Variants in HCN1 observed in about 807,000 individuals in gnomAD.
HCN1 encodes the protein potassium/sodium hyperpolarization-activated cyclic nucleotide-gated channel 1.
HCN1 carries 13 observed loss-of-function variants against 78.9 expected under a neutral mutation model. The observed-to-expected ratio is 0.16, with a 90% confidence interval of 0.11 to 0.26. The LOEUF is 0.26. HCN1 is among the 10% of genes least tolerant of loss of function. The pLI is 1.00. For missense variants in HCN1, 810 were observed against 1,154.3 expected (o/e 0.70, Z 4.32); for synonymous variants, 552 against 455.5 (o/e 1.21, Z -2.70).
chr5:45,396,431 A>G (rs1204728345), intron 4 of HCN1, 61 bp downstream of exon 4: 1 of 1,331,620 alleles, frequency 7.5e-7, no homozygotes, highest in Non-Finnish European at 1.1e-6. Flanking sequence ...CTTGAACACA[A>G]TTCAATTTAC....
At chr5:45,582,672 C>A (rs892175569) in intron 2 of HCN1, among the ~76,000 whole-genome samples, 1 of 152,082 alleles carries the variant, frequency 6.6e-6, no homozygotes, top group African/African-American at 2.4e-5. Flanking sequence ...ATAGATAGCT[C>A]TTATTATTTT....
intron 5 of HCN1, among the ~76,000 whole-genome samples, chr5:45,334,958 T>C (rs1429811212): frequency 2.6e-5 from 4 of 152,164 alleles, no homozygotes; most frequent in East Asian, 3.9e-4. Flanking sequence ...TAAATAAATA[T>C]ACATACAAAT....
At chr5:45,612,243 C>T (rs2111980331) in intron 2 of HCN1, among the ~76,000 whole-genome samples, 1 of 152,222 alleles carries the variant, frequency 6.6e-6, no homozygotes, top group South Asian at 2.1e-4. Context: ...CCTAATTCCT[C>T]CAGAAAATCA....
At chr5:45,643,932 G>A (rs1745500772) in intron 2 of HCN1, 1 of 152,096 alleles carries the variant, frequency 6.6e-6, no homozygotes, top group Non-Finnish European at 1.5e-5. Flanking sequence ...ATTACAAGAT[G>A]AATCTGATTT....
Position 45,695,881 on chromosome 5 carries a change from G to A in HCN1, c.213C>T (p.Gly71=). 1.3e-6 allele frequency: 2 copies of A among 1,535,870 alleles called. No homozygotes were observed. Among genetic ancestry groups the A allele is most frequent in the Admixed American group, 2.0e-5 (1 of 49,102 alleles). ...VDGGGGGGGG[G]GGGEEPAGGF... is the part of the protein sequence containing the mutation. The stretch of plus-strand genomic sequence containing the variant: ...CCCCCGCCGGCTCCTCGCCGCCGCC[G>A]CCGCCGCCGCCACCGCCGCCACCGC... The change falls in exon 1 of 8, where the codon GGC becomes GGT. Residue 71 remains glycine, a synonymous_variant. Coordinates refer to ENST00000303230, the MANE Select transcript of HCN1 (RefSeq NM_021072.4).
At chr5:45,444,805 T>TATG (rs1740752473) in intron 3 of HCN1, among the ~76,000 whole-genome samples, 1 of 152,004 alleles carries the variant, frequency 6.6e-6, no homozygotes, top group Non-Finnish European at 1.5e-5. Context: ...TTTCTTTTAT[T>TATG]ATTATTATTA....
intron 2 of HCN1, among the ~76,000 whole-genome samples, chr5:45,637,637 C>A (rs562848043): frequency 8.0e-5 from 12 of 150,714 alleles, no homozygotes; most frequent in African/African-American, 2.9e-4. Context: ...CTGAAAGAAG[C>A]AATGCGTAAA....
At chr5:45,669,370 AT>A (rs2112073231) in intron 1 of HCN1, among the ~76,000 whole-genome samples, 1 of 151,920 alleles carries the variant, frequency 6.6e-6, no homozygotes, top group African/African-American at 2.4e-5. Flanking sequence ...TAATGTGAAC[AT>A]TTTGAGAGTA....
Position 45,613,396 on chromosome 5 carries a change from A to T in HCN1, c.849+31789T>A, listed in dbSNP as rs577226545. Among the ~76,000 whole-genome samples the T allele has an allele frequency of 1.9e-4, 29 of 152,156 alleles. 1 individual carries two copies. In the South Asian group the frequency reaches 5.2e-3, roughly 27 times the overall value. On this transcript the variant is annotated intron_variant, in intron 2 of 7. Transcript: ENST00000303230. ...ATATGTGCCACATCAGAGAAATGCAAATCAAAACCACAATGAGATACCATC... is the reference window on the plus strand; with the variant it reads ...ATATGTGCCACATCAGAGAAATGCATATCAAAACCACAATGAGATACCATC...
At chr5:45,454,201 C>T (rs1740979177) in intron 3 of HCN1, among the ~76,000 whole-genome samples, 1 of 152,040 alleles carries the variant, frequency 6.6e-6, no homozygotes, top group African/African-American at 2.4e-5. Flanking sequence ...GAGTTGATTT[C>T]CTTATTTTTT....
intron 5 of HCN1, among the ~76,000 whole-genome samples, chr5:45,318,986 T>C (rs1214032619): frequency 6.6e-6 from 1 of 151,974 alleles, no homozygotes; most frequent in Non-Finnish European, 1.5e-5. Flanking sequence ...TACTCACCAT[T>C]CTGTTAATGT....
In HCN1 at chr5:45,372,410, T is replaced by C. The variant is rs1174706116; in HGVS notation, c.1231-19164A>G. Among the ~76,000 whole-genome samples, 5 of 119,576 alleles carry C rather than the reference T, an allele frequency of 4.2e-5. No homozygotes were observed. In the East Asian group the frequency reaches 9.2e-4, roughly 22 times the overall value. 78.4% of individuals were successfully genotyped at this position (119,576 alleles called of 152,430 possible). A position where few individuals can be genotyped will look rare whatever the true frequency, so the allele number is the denominator to read the frequency against. ...ATATGTAAATTATATAAAATATAAT[T>C]ATATAAATATGTAAAATAATATATA... On this transcript the variant is annotated intron_variant, in intron 4 of 7. Coordinates refer to ENST00000303230, the MANE Select transcript of HCN1 (RefSeq NM_021072.4).
intron 3 of HCN1, among the ~76,000 whole-genome samples, chr5:45,440,446 C>A (rs1040537166): frequency 6.6e-6 from 1 of 152,140 alleles, no homozygotes; most frequent in Non-Finnish European, 1.5e-5. Flanking sequence ...TCCTTCATAA[C>A]CAAGAAACTC....
chr5:45,673,707 G>A (rs574697227), intron 1 of HCN1, among the ~76,000 whole-genome samples: 2 of 151,570 alleles, frequency 1.3e-5, no homozygotes, highest in South Asian at 4.2e-4. Flanking sequence ...AAATGTATTT[G>A]TCTTCAAATA....
At chr5:45,559,158 C>G (rs1179094010) in intron 2 of HCN1, 2 of 151,970 alleles carry the variant, frequency 1.3e-5, no homozygotes, top group Non-Finnish European at 2.9e-5. Context: ...ACACGGCTCA[C>G]TGCTCACTGA....
At chr5:45,442,398 A>G (rs1219474511) in intron 3 of HCN1, among the ~76,000 whole-genome samples, 1 of 152,102 alleles carries the variant, frequency 6.6e-6, no homozygotes, top group African/African-American at 2.4e-5. Flanking sequence ...GATTAATTTC[A>G]GGAGGTGGAA....
At chr5:45,284,888 T>C (rs2111874615) in intron 6 of HCN1, among the ~76,000 whole-genome samples, 1 of 152,190 alleles carries the variant, frequency 6.6e-6, no homozygotes, top group Admixed American at 6.6e-5. Flanking sequence ...CTCCTTCCTA[T>C]GCACCATAAG....
intron 5 of HCN1, among the ~76,000 whole-genome samples, chr5:45,340,412 A>C (rs1746552192): frequency 6.6e-6 from 1 of 152,080 alleles, no homozygotes; most frequent in South Asian, 2.1e-4. Flanking sequence ...TGGAATCCTA[A>C]CTTCTCCATG....
intron 1 of HCN1, among the ~76,000 whole-genome samples, chr5:45,670,070 G>A (rs528707643): frequency 1.1e-4 from 17 of 151,654 alleles, no homozygotes; most frequent in African/African-American, 1.4e-4. Context: ...AAATAAATAT[G>A]AAGAGTAAAA....
Sources: allele counts gnomAD v4.1 joint callset (sites outside exome capture counted in the v4.1 genomes callset), GRCh38; gene constraint gnomAD v4.1.1; transcripts MANE v1.5; gene names NCBI Gene and HGNC (gene_info 2026-07-23, HGNC 2026-07-21).